MAST2: variants seen among roughly 807,000 people sequenced by gnomAD.
MAST2 encodes the protein microtubule associated serine/threonine kinase 2.
A neutral mutation model predicts 147.4 loss-of-function variants in MAST2; 70 were observed. That is an observed-to-expected ratio of 0.47 (90% CI 0.39 to 0.58). MAST2 has a LOEUF of 0.58. MAST2 is among the 20% of genes least tolerant of loss of function. The pLI, the probability that MAST2 is intolerant of heterozygous loss-of-function variation, is 0.00. For synonymous variants in MAST2, 869 were observed against 896.8 expected (o/e 0.97, Z 0.55); for missense variants, 2,080 against 2,302.3 (o/e 0.90, Z 1.98).
intron 10 of MAST2, among the ~76,000 whole-genome samples, chr1:46,013,922 C>T (rs1361735149): frequency 1.3e-5 from 2 of 152,094 alleles, no homozygotes; most frequent in African/African-American, 4.8e-5. Flanking sequence ...ACTGCTCAAC[C>T]TTTCTCTTCA....
intron 15 of MAST2, 76 bp downstream of exon 15, chr1:46,024,056 T>C (rs1646299742): frequency 2.8e-6 from 4 of 1,433,088 alleles, no homozygotes; most frequent in Non-Finnish European, 3.9e-6. Flanking sequence ...GACCAGCAGC[T>C]TTGTACAGAG....
chr1:46,006,177 T>C, intron 7 of MAST2, 64 bp from the exon 8 acceptor site: 1 of 1,482,148 alleles, frequency 6.7e-7, no homozygotes, highest in East Asian at 2.3e-5. Context: ...TTTCAGTCCT[T>C]CCCCATTCTT....
chr1:45,980,275 C>CAAAAAAAAA (rs35235290), intron 5 of MAST2, among the ~76,000 whole-genome samples: 1 of 84,032 alleles, frequency 1.2e-5, no homozygotes. Flanking sequence ...ACTGTGTTTC[C>CAAAAAAAAA]AAAAAAAAAA....
intron 4 of MAST2, among the ~76,000 whole-genome samples, chr1:45,886,375 G>A (rs1395645966): frequency 6.6e-6 from 1 of 150,776 alleles, no homozygotes; most frequent in Non-Finnish European, 1.5e-5. Context: ...TCAGATTAGG[G>A]AAGAGAGCTG....
At position 46,031,601 on chromosome 1, in the gene MAST2, A is replaced by T. The variant is rs368750436; in HGVS notation, c.3187+16A>T. ...ATTCCTTCGGGTGAGGCCCCTGGGGAGCTGGGATAAAACTCACAGGAAGGG... is the reference window on the plus strand; with the variant it reads ...ATTCCTTCGGGTGAGGCCCCTGGGGTGCTGGGATAAAACTCACAGGAAGGG... On this transcript the variant is annotated intron_variant, in intron 24 of 28. Coordinates refer to ENST00000361297, the MANE Select transcript of MAST2 (RefSeq NM_015112.3). The surrounding 1 kb of genome is among the most constrained non-coding windows in gnomAD (Gnocchi z 4.1). The T allele has an allele frequency of 6.6e-5, 106 of 1,602,736 alleles. 1 individual carries two copies. The African/African-American group carries it at 1.4e-3, about 21-fold the overall frequency.
chr1:45,825,859 C>T (rs1402861600), intron 2 of MAST2, among the ~76,000 whole-genome samples: 1 of 151,898 alleles, frequency 6.6e-6, no homozygotes, highest in South Asian at 2.1e-4. Context: ...GGCAGATCAC[C>T]TGAGGTCAGG....
intron 10 of MAST2, 127 bp from the exon 11 acceptor site, chr1:46,019,456 GCCTTCTCTGAGTT>G (rs1242072925): frequency 1.6e-6 from 1 of 635,154 alleles, no homozygotes; most frequent in Non-Finnish European, 2.7e-6. Flanking sequence ...CAGCCAGCCA[GCCTTCTCTGAGTT>G]CCTTGCTTTG....
intron 3 of MAST2, among the ~76,000 whole-genome samples, chr1:45,836,028 C>G (rs946569271): frequency 6.6e-6 from 1 of 152,080 alleles, no homozygotes; most frequent in East Asian, 1.9e-4. Context: ...TGAGTTGTTT[C>G]CACCTTTTAG....
At chr1:45,904,720 CCT>C (rs1292952793) in intron 4 of MAST2, among the ~76,000 whole-genome samples, 1 of 152,196 alleles carries the variant, frequency 6.6e-6, no homozygotes, top group African/African-American at 2.4e-5. Context: ...CCCTGCTTGG[CCT>C]CCCAGAGTGC....
intron 1 of MAST2, among the ~76,000 whole-genome samples, chr1:45,822,996 C>G (rs1257740851): frequency 6.6e-6 from 1 of 152,114 alleles, no homozygotes; most frequent in East Asian, 1.9e-4. Context: ...GCCACAATAT[C>G]CTCCTTTATC....
intron 3 of MAST2, among the ~76,000 whole-genome samples, chr1:45,851,124 G>A (rs763719776): frequency 6.6e-6 from 1 of 151,940 alleles, no homozygotes; most frequent in Non-Finnish European, 1.5e-5. Context: ...TTTTGTTTGT[G>A]TCACCTGTGA....
intron 16 of MAST2, among the ~76,000 whole-genome samples, chr1:46,026,479 GTCT>G (rs1487614961): frequency 2.0e-5 from 3 of 152,174 alleles, no homozygotes; most frequent in African/African-American, 7.2e-5. Flanking sequence ...GGCCTAGAGA[GTCT>G]TGGAAGGGTC....
chr1:45,834,755 C>G (rs1645053890), intron 3 of MAST2, among the ~76,000 whole-genome samples: 1 of 152,148 alleles, frequency 6.6e-6, no homozygotes, highest in Non-Finnish European at 1.5e-5. Flanking sequence ...TTCTTCTCAT[C>G]TGTAAAATGA....
In MAST2 at chr1:45,847,028, T is replaced by A. The variant is rs1454317192; in HGVS notation, c.468+17447T>A. 13 of 357,488 alleles carry A rather than the reference T, an allele frequency of 3.6e-5. No homozygotes were observed. In the Admixed American group the frequency reaches 5.1e-4, roughly 14 times the overall value. The allele number at this position is 357,488 out of a possible 1,614,324, so 22.1% of individuals were successfully genotyped here. On this transcript the variant is annotated intron_variant, in intron 3 of 28. Transcript: ENST00000361297. ...CAGTCATTTCCTCTTCTGAGTCATT[T>A]GATTCATCGTTTAGTTCCAATTCCA...
chr1:45,987,802 GGTTTGGTGTTT>G (rs1644706493), intron 5 of MAST2, among the ~76,000 whole-genome samples: 1 of 34,776 alleles, frequency 2.9e-5, no homozygotes, highest in African/African-American at 1.2e-4. Flanking sequence ...TTTTTTTTTT[GGTTTGGTGTTT>G]TTTGTTAGAG....
intron 4 of MAST2, among the ~76,000 whole-genome samples, chr1:45,946,151 C>A (rs1017145790): frequency 6.6e-6 from 1 of 152,174 alleles, no homozygotes; most frequent in African/African-American, 2.4e-5. Context: ...CCTAGAATAC[C>A]CAGAATCTGA....
intron 2 of MAST2, among the ~76,000 whole-genome samples, chr1:45,827,292 GTTA>G (rs1644823591): frequency 6.6e-6 from 1 of 152,008 alleles, no homozygotes; most frequent in Non-Finnish European, 1.5e-5. Context: ...TTTTTTCTGT[GTTA>G]TTTATTTACT....
chr1:45,811,715 G>A (rs1644307288), intron 1 of MAST2, among the ~76,000 whole-genome samples: 1 of 147,332 alleles, frequency 6.8e-6, no homozygotes, highest in Admixed American at 6.9e-5. Context: ...CTCACTGCAA[G>A]CTCTGCCTCC....
intron 7 of MAST2, among the ~76,000 whole-genome samples, chr1:46,005,764 G>A (rs1430812346): frequency 6.6e-6 from 1 of 152,166 alleles, no homozygotes; most frequent in African/African-American, 2.4e-5. Context: ...CAATACATTG[G>A]CCAGCTTGAG....
Sources: allele counts gnomAD v4.1 joint callset (sites outside exome capture counted in the v4.1 genomes callset), GRCh38; gene constraint gnomAD v4.1.1; non-coding constraint Gnocchi (gnomAD v3.1); transcripts MANE v1.5; gene names NCBI Gene and HGNC (gene_info 2026-07-23, HGNC 2026-07-21).